PCM1: variants seen among roughly 807,000 people sequenced by gnomAD.
PCM1 encodes pericentriolar material 1, also known as pericentriolar material 1 protein.
PCM1 carries 157 observed loss-of-function variants against 241.9 expected under a neutral mutation model. The ratio of observed to expected loss-of-function variants is 0.65; its 90% CI spans 0.57 to 0.74. The LOEUF is 0.74. Among genes scored for constraint, PCM1 ranks in the 30% least tolerant of loss-of-function variants. The pLI is 0.00. For missense variants in PCM1, 3,478 were observed against 2,360.1 expected, an observed-to-expected ratio of 1.47 and a Z score of -9.81; for synonymous variants, 1,085 against 784.9, an observed-to-expected ratio of 1.38 and a Z score of -6.39.
At position 17,968,589 on chromosome 8, in the gene PCM1, G is replaced by C. The variant is rs548037879; in HGVS notation, c.3413-988G>C. Among the ~76,000 whole-genome samples the C allele has an allele frequency of 5.3e-5, 8 of 152,086 alleles. No individual in the cohort carries two copies. In the South Asian group the frequency reaches 6.2e-4, roughly 12 times the overall value. On this transcript the variant is annotated intron_variant, in intron 21 of 38. Transcript: ENST00000325083. ...TGAGGAGGAGTTAAAGGTGTTGGCAGGGAATATAGGAGGAGAAAAAAGGTT... is the reference window on the plus strand; with the variant it reads ...TGAGGAGGAGTTAAAGGTGTTGGCACGGAATATAGGAGGAGAAAAAAGGTT...
intron 24 of PCM1, among the ~76,000 whole-genome samples, chr8:17,985,163 T>C (rs984245761): frequency 6.6e-6 from 1 of 151,922 alleles, no homozygotes; most frequent in Non-Finnish European, 1.5e-5. Flanking sequence ...TATAATATTT[T>C]CTGTATATTT....
intron 23 of PCM1, 67 bp from the exon 24 acceptor site, chr8:17,980,524 G>A (rs2080344721): frequency 1.5e-6 from 2 of 1,360,124 alleles, no homozygotes; most frequent in Non-Finnish European, 2.0e-6. Context: ...TTACACAATG[G>A]AAACCGATTT....
At position 18,028,455 on chromosome 8, in the gene PCM1, A is replaced by AAACTT. The variant is rs746620376; in HGVS notation, c.*799_*803dup. ...AACATTGTGGTTAATTTTAAATGAA[A>AAACTT]AACTTAACTTTTTCAAGTGGGGATA... On this transcript the variant is annotated 3_prime_UTR_variant, in exon 39 of 39. Coordinates refer to ENST00000325083, the MANE Select transcript of PCM1 (RefSeq NM_006197.4). The AAACTT allele has an allele frequency of 1.4e-4, 28 of 194,066 alleles. No homozygotes were observed. Among genetic ancestry groups the AAACTT allele is most frequent in the Middle Eastern group, 1.9e-3 (1 of 540 alleles). The allele number at this position is 194,066 out of a possible 1,614,324, so 12.0% of individuals were successfully genotyped here.
Position 17,991,549 on chromosome 8 carries a change from C to G in PCM1, c.4539C>G (p.Thr1513=). The G allele has an allele frequency of 1.9e-6, 3 of 1,598,072 alleles. No homozygotes were observed. Among genetic ancestry groups the G allele is most frequent in the Non-Finnish European group, 2.6e-6 (3 of 1,171,546 alleles). ...EPFATDDLGN[T]VIHLDQALAR... is the part of the protein sequence containing the mutation. ...TTTTTGTTCCAAATGTAGGTAACAC[C>G]GTGATTCACTTAGATCAAGCATTAG... is the stretch of plus-strand genomic sequence containing the variant. The change falls in exon 28 of 39, where the codon ACC becomes ACG. Residue 1513 remains threonine, a synonymous_variant. Transcript: ENST00000325083.
Position 17,995,561 on chromosome 8 carries a change from G to A in PCM1, c.4827+1942G>A, listed in dbSNP as rs79026347. 8.0e-3 allele frequency among the ~76,000 whole-genome samples: 1,213 copies of A among 151,390 alleles called. 84 individuals carry two copies. Among genetic ancestry groups the A allele is most frequent in the African/African-American group, 0.029 (1,167 of 40,816 alleles). On this transcript the variant is annotated intron_variant, in intron 29 of 38. Coordinates refer to ENST00000325083, the MANE Select transcript of PCM1 (RefSeq NM_006197.4). ...GCTTTGGCTGTTCTGAGCTTTTTTT[G>A]TGGTTCCTATAAATTTTAGGATTCT... is the stretch of plus-strand genomic sequence containing the variant.
intron 23 of PCM1, among the ~76,000 whole-genome samples, chr8:17,973,496 A>T (rs754366583): frequency 6.6e-6 from 1 of 152,076 alleles, no homozygotes; most frequent in Non-Finnish European, 1.5e-5. Flanking sequence ...AGGCAGGTGG[A>T]TCACCTGAGA....
intron 36 of PCM1, among the ~76,000 whole-genome samples, chr8:18,023,566 T>C (rs2093929573): frequency 6.6e-6 from 1 of 152,230 alleles, no homozygotes. Flanking sequence ...CGTATTGTTT[T>C]TATGTTAATT....
At chr8:17,926,841 A>G (rs1374785197) in intron 2 of PCM1, 2 of 152,228 alleles carry the variant, frequency 1.3e-5, no homozygotes, top group Admixed American at 6.5e-5. Context: ...GCAAAAACTT[A>G]TGATCAGAAA....
intron 16 of PCM1, chr8:17,962,827 TG>T (rs2073084284): frequency 4.3e-6 from 1 of 231,262 alleles, no homozygotes; most frequent in Non-Finnish European, 8.3e-6. Flanking sequence ...CACTTGAACC[TG>T]GGAGGCAGAG....
intron 23 of PCM1, among the ~76,000 whole-genome samples, chr8:17,975,276 G>C (rs978855077): frequency 1.3e-5 from 2 of 152,102 alleles, no homozygotes; most frequent in Non-Finnish European, 2.9e-5. Flanking sequence ...CAATTCTCCT[G>C]TCTCATCCTC....
At chr8:17,963,025 T>C (rs1246162779) in intron 16 of PCM1, 76 bp from the exon 17 acceptor site, 20 of 995,764 alleles carry the variant, frequency 2.0e-5, no homozygotes, top group Middle Eastern at 2.6e-4. Flanking sequence ...ATACTGACAA[T>C]ACTAGTAGTC....
At chr8:17,948,978 C>A (rs1045567346) in intron 7 of PCM1, among the ~76,000 whole-genome samples, 12 of 152,012 alleles carry the variant, frequency 7.9e-5, no homozygotes, top group African/African-American at 2.9e-4. Context: ...TTGTGGCTTG[C>A]CTAGATTTAT....
At position 17,957,617 on chromosome 8, in the gene PCM1, G is replaced by T; in HGVS notation, c.1882G>T (p.Ala628Ser). ...AGATGATGAGGAGGAGGAGGAAGAA[G>T]CAGAAGAGGAGGGAGTCAGTGGAGC... ...GEDDEEEEEE[A>S]EEEGVSGASL... is the part of the protein sequence containing the mutation. Residue 628 changes from alanine to serine, a missense_variant, in exon 13 of 39, where the codon GCA becomes TCA. Physicochemically the swap from Ala to Ser is moderately conservative, Grantham distance 99. Coordinates refer to ENST00000325083, the MANE Select transcript of PCM1 (RefSeq NM_006197.4). 1 of 1,579,130 alleles carries T rather than the reference G, an allele frequency of 6.3e-7. No individual in the cohort carries two copies. Among genetic ancestry groups the T allele is most frequent in the Non-Finnish European group, 8.6e-7 (1 of 1,161,246 alleles).
intron 6 of PCM1, among the ~76,000 whole-genome samples, chr8:17,944,069 T>C (rs757755919): frequency 6.6e-6 from 1 of 152,204 alleles, no homozygotes; most frequent in Non-Finnish European, 1.5e-5. Context: ...TGTTTTCCTA[T>C]ACTCATGGCC....
intron 24 of PCM1, among the ~76,000 whole-genome samples, chr8:17,981,134 A>G (rs1305311919): frequency 6.6e-6 from 1 of 152,152 alleles, no homozygotes; most frequent in Non-Finnish European, 1.5e-5. Context: ...GTACATGGCC[A>G]TCAGGGATTT....
chr8:17,992,921 C>T (rs1010172435), intron 28 of PCM1, among the ~76,000 whole-genome samples: 10 of 148,940 alleles, frequency 6.7e-5, no homozygotes, highest in Non-Finnish European at 1.3e-4. Flanking sequence ...TTGGCCTTAG[C>T]CCACTTTTTG....
At chr8:17,939,503 A>G (rs926654332) in intron 5 of PCM1, among the ~76,000 whole-genome samples, 188 bp from the exon 6 acceptor site, 8 of 152,154 alleles carry the variant, frequency 5.3e-5, no homozygotes, top group African/African-American at 7.2e-5. Context: ...AGTATTACCA[A>G]TTATGTCTTG....
chr8:17,966,231 A>G lies in PCM1; in HGVS notation c.3075+13A>G, dbSNP rs548565662. 6.4e-5 allele frequency: 103 copies of G among 1,610,148 alleles called. 2 individuals carry two copies. In the South Asian group the frequency reaches 7.7e-4, roughly 12 times the overall value. On this transcript the variant is annotated intron_variant, in intron 19 of 38. Coordinates refer to ENST00000325083, the MANE Select transcript of PCM1 (RefSeq NM_006197.4). ...GCAAGACCAGCAGGTAAAATTTGCTATGAAAGTATATTTTTCGTCTATTTT... is the reference window on the plus strand; with the variant it reads ...GCAAGACCAGCAGGTAAAATTTGCTGTGAAAGTATATTTTTCGTCTATTTT...
chr8:17,967,399 C>G (rs2129469986), intron 21 of PCM1, among the ~76,000 whole-genome samples: 1 of 152,080 alleles, frequency 6.6e-6, no homozygotes, highest in East Asian at 1.9e-4. Flanking sequence ...GCCTCCACCT[C>G]CCAGGTTCAA....
Sources: gnomAD v4.1 joint callset for allele counts (sites outside exome capture counted in the v4.1 genomes callset) on GRCh38, gnomAD v4.1.1 for gene constraint, MANE v1.5 for transcripts, NCBI Gene and HGNC (gene_info 2026-07-23, HGNC 2026-07-21) for gene names.